COA1: variants seen among roughly 807,000 people sequenced by gnomAD.
COA1 encodes cytochrome c oxidase assembly factor 1.
In COA1, 13 loss-of-function variants were observed where a neutral mutation model predicts 16.0. That is an observed-to-expected ratio of 0.81 (90% CI 0.53 to 1.29). The LOEUF (loss-of-function observed/expected upper bound fraction) is 1.29, where lower values mean the gene tolerates loss of function less well. Ranked by LOEUF, COA1 falls within the 50% of genes most tolerant of loss-of-function variation. The pLI is 0.00. For synonymous variants in COA1, 65 were observed against 65.7 expected, an observed-to-expected ratio of 0.99 and a Z score of 0.05; for missense variants, 179 against 177.0, an observed-to-expected ratio of 1.01 and a Z score of -0.06.
intron 1 of COA1, among the ~76,000 whole-genome samples, chr7:43,688,061 A>G (rs997927853): frequency 1.3e-5 from 2 of 152,108 alleles, no homozygotes; most frequent in African/African-American, 4.8e-5. Context: ...TGCCATCACC[A>G]TGTAAGAAGT....
chr7:43,706,551 A>T (rs2094983616), intron 1 of COA1, among the ~76,000 whole-genome samples: 1 of 151,416 alleles, frequency 6.6e-6, no homozygotes, highest in South Asian at 2.1e-4. Context: ...CATCTTAAAA[A>T]ATAAAAAATA....
intron 1 of COA1, among the ~76,000 whole-genome samples, chr7:43,715,111 T>C (rs1021113079): frequency 6.6e-6 from 1 of 151,702 alleles, no homozygotes; most frequent in Admixed American, 6.6e-5. Context: ...TTAGAAGTTA[T>C]CATTCTTAAT....
At chr7:43,712,478 T>C (rs1480529477) in intron 1 of COA1, among the ~76,000 whole-genome samples, 1 of 152,136 alleles carries the variant, frequency 6.6e-6, no homozygotes, top group Non-Finnish European at 1.5e-5. Context: ...TACATAGAAA[T>C]CCAAAGTCAT....
intron 1 of COA1, among the ~76,000 whole-genome samples, chr7:43,691,665 C>T (rs1242160931): frequency 1.3e-5 from 2 of 152,138 alleles, no homozygotes; most frequent in African/African-American, 4.8e-5. Context: ...AATAAGAGGA[C>T]ACCTGCTCTA....
At chr7:43,681,790 C>T (rs1333842409) in intron 1 of COA1, among the ~76,000 whole-genome samples, 3 of 152,144 alleles carry the variant, frequency 2.0e-5, no homozygotes, top group Non-Finnish European at 4.4e-5. Context: ...GAATTCATTC[C>T]TACATCAACA....
chr7:43,657,032 A>G (rs10242497), intron 1 of COA1, among the ~76,000 whole-genome samples: 22,158 of 152,152 alleles, frequency 0.15, 2,185 homozygotes, highest in Non-Finnish European at 0.21. Flanking sequence ...CTATCTCAAA[A>G]AGAAATAAAA....
At chr7:43,707,622 C>T (rs2095044413) in intron 1 of COA1, among the ~76,000 whole-genome samples, 1 of 152,156 alleles carries the variant, frequency 6.6e-6, no homozygotes, top group South Asian at 2.1e-4. Flanking sequence ...GAATCATATA[C>T]AGTAGTATGG....
chr7:43,626,713 T>C (rs557893728), intron 6 of COA1: 1 of 152,320 alleles, frequency 6.6e-6, no homozygotes, highest in Non-Finnish European at 1.5e-5. Flanking sequence ...GGATCTGTCA[T>C]CAAGTTTTAA....
At chr7:43,712,161 G>A (rs1461650372) in intron 1 of COA1, among the ~76,000 whole-genome samples, 1 of 151,940 alleles carries the variant, frequency 6.6e-6, no homozygotes, top group East Asian at 1.9e-4. Flanking sequence ...CGCCCAGGCT[G>A]GAGTACAATG....
intron 6 of COA1, among the ~76,000 whole-genome samples, chr7:43,613,892 A>T (rs368766842): frequency 6.2e-4 from 95 of 152,320 alleles, no homozygotes; most frequent in African/African-American, 2.2e-3. Context: ...TTTCAAAAAA[A>T]GTAGCCAGAA....
intron 1 of COA1, among the ~76,000 whole-genome samples, chr7:43,683,910 T>C (rs187331287): frequency 1.7e-3 from 257 of 152,286 alleles, no homozygotes; most frequent in Non-Finnish European, 3.1e-3. Context: ...GGGTCAGTAA[T>C]TTAGAGCAAA....
chr7:43,644,765 G>GATT (rs1204492748), intron 4 of COA1, among the ~76,000 whole-genome samples: 5 of 80,428 alleles, frequency 6.2e-5, no homozygotes, highest in African/African-American at 2.4e-4. Context: ...TAGATAGGCA[G>GATT]GCAGGCAGGC....
At chr7:43,625,135 T>C in intron 6 of COA1, 3 of 247,452 alleles carry the variant, frequency 1.2e-5, no homozygotes, top group Admixed American at 5.1e-5. Context: ...TGTACAAAGA[T>C]ATTTGTATTC....
chr7:43,623,205 G>T (rs1319016083), intron 6 of COA1: 1 of 190,598 alleles, frequency 5.2e-6, no homozygotes, highest in Non-Finnish European at 1.1e-5. Flanking sequence ...CACGGGTGAG[G>T]GTGGGGCAAT....
At chr7:43,667,829 T>C (rs1173800781) in intron 1 of COA1, among the ~76,000 whole-genome samples, 1 of 152,204 alleles carries the variant, frequency 6.6e-6, no homozygotes, top group African/African-American at 2.4e-5. Context: ...CCTTGTTTTG[T>C]TTTTCAGAGT....
intron 1 of COA1, among the ~76,000 whole-genome samples, chr7:43,724,445 G>A (rs919978260): frequency 2.6e-5 from 4 of 151,970 alleles, no homozygotes; most frequent in African/African-American, 7.2e-5. Context: ...CCAGCTACTC[G>A]AGAGGCTGAG....
At position 43,648,534 on chromosome 7, in the gene COA1, A is replaced by G. The variant is rs544662417; in HGVS notation, c.15+66T>C. 6.5e-5 allele frequency: 100 copies of G among 1,548,784 alleles called. No homozygotes were observed. In the South Asian group the frequency reaches 1.0e-3, roughly 16 times the overall value. On this transcript the variant is annotated intron_variant, in intron 2 of 5. Transcript: ENST00000223336. ...ACTATTCAGGGAGTGACTTTCTTCT[A>G]TTGTCTAACTCGAGAATACCCTGGC...
intron 1 of COA1, among the ~76,000 whole-genome samples, chr7:43,702,812 T>A (rs2094804373): frequency 6.6e-6 from 1 of 152,174 alleles, no homozygotes; most frequent in African/African-American, 2.4e-5. Context: ...AACTTTTGGT[T>A]TCGTTGGTCT....
At chr7:43,642,069 T>C (rs2087300597) in intron 4 of COA1, 1 of 152,116 alleles carries the variant, frequency 6.6e-6, no homozygotes, top group Admixed American at 6.5e-5. Flanking sequence ...ACATTTGTGC[T>C]TTCCAAACAC....
Sources: gnomAD v4.1 joint callset for allele counts (sites outside exome capture counted in the v4.1 genomes callset) on GRCh38, gnomAD v4.1.1 for gene constraint, MANE v1.5 for transcripts, NCBI Gene and HGNC (gene_info 2026-07-23, HGNC 2026-07-21) for gene names.